ELMO1: variants seen among roughly 807,000 people sequenced by gnomAD.
ELMO1 encodes engulfment and cell motility 1, also known as engulfment and cell motility protein 1.
In ELMO1, 26 loss-of-function variants were observed where a neutral mutation model predicts 98.9. That is an observed-to-expected ratio of 0.26 (90% CI 0.19 to 0.36). The LOEUF (loss-of-function observed/expected upper bound fraction) is 0.36. Among genes scored for constraint, ELMO1 ranks in the 10% least tolerant of loss-of-function variants. The probability of loss-of-function intolerance (pLI) is 1.00; values close to 1 mark genes in which losing one functional copy is unlikely to be tolerated. For missense variants in ELMO1, 627 were observed against 935.2 expected (o/e 0.67, Z 4.30); for synonymous variants, 346 against 346.0 (o/e 1.00, Z 0.00).
chr7:37,387,530 A>G (rs577428264), intron 1 of ELMO1, among the ~76,000 whole-genome samples: 43 of 152,176 alleles, frequency 2.8e-4, no homozygotes, highest in Non-Finnish European at 5.0e-4. Flanking sequence ...AATTGCATCT[A>G]AAACCATCCT....
chr7:37,145,698 G>A (rs906561709), intron 13 of ELMO1, among the ~76,000 whole-genome samples: 4 of 152,210 alleles, frequency 2.6e-5, no homozygotes, highest in African/African-American at 9.7e-5. Context: ...CTTGCCAGAT[G>A]GCATAGCGTG....
At chr7:36,976,839 G>A (rs571123558) in intron 16 of ELMO1, among the ~76,000 whole-genome samples, 7 of 152,200 alleles carry the variant, frequency 4.6e-5, no homozygotes, top group Non-Finnish European at 8.8e-5. Context: ...CCTTTCCCTT[G>A]AAAAGTCTTC....
At chr7:37,144,327 TACA>T in intron 13 of ELMO1, among the ~76,000 whole-genome samples, 1 of 152,258 alleles carries the variant, frequency 6.6e-6, no homozygotes, top group Non-Finnish European at 1.5e-5. Flanking sequence ...GAAATAATTT[TACA>T]ACCACAAATT....
rs1471672653 is a variant in ELMO1, at chr7:36,853,202, G to A, written c.*2349C>T. 1.3e-5 allele frequency among the ~76,000 whole-genome samples: 2 copies of A among 152,212 alleles called. No homozygotes were observed. The highest frequency in any genetic ancestry group is 4.1e-4 in the South Asian group (2 of 4,836). On this transcript the variant is annotated 3_prime_UTR_variant, in exon 22 of 22. Transcript: ENST00000310758. Reference sequence around the variant, plus strand: ...ATGGCATACTCTTCAGATCTCACAGGTCCAAAGGAGGGTCTAGGGAGGAGC... The same window carrying A: ...ATGGCATACTCTTCAGATCTCACAGATCCAAAGGAGGGTCTAGGGAGGAGC...
intron 1 of ELMO1, among the ~76,000 whole-genome samples, chr7:37,445,825 A>C (rs1443768457): frequency 6.6e-6 from 1 of 152,162 alleles, no homozygotes. Context: ...GACACAGTAG[A>C]TGCCTCTGAC....
intron 16 of ELMO1, among the ~76,000 whole-genome samples, chr7:37,000,809 T>C (rs961309534): frequency 8.6e-5 from 13 of 151,928 alleles, no homozygotes; most frequent in Admixed American, 7.9e-4. Context: ...GAAACAAGGC[T>C]AGTGGGAAAA....
intron 1 of ELMO1, among the ~76,000 whole-genome samples, chr7:37,420,069 A>G (rs1382728421): frequency 6.6e-6 from 1 of 152,196 alleles, no homozygotes; most frequent in Non-Finnish European, 1.5e-5. Context: ...CATACCTAAT[A>G]CAAATCACTG....
chr7:37,009,335 A>C (rs1489257147), intron 16 of ELMO1, among the ~76,000 whole-genome samples: 1 of 152,216 alleles, frequency 6.6e-6, no homozygotes, highest in East Asian at 1.9e-4. Context: ...GCAGAGTGCT[A>C]TATTGAGAAA....
chr7:37,044,940 C>A (rs888477493), intron 15 of ELMO1, among the ~76,000 whole-genome samples: 9 of 152,290 alleles, frequency 5.9e-5, no homozygotes, highest in Admixed American at 5.2e-4. Context: ...TTAATTTCCA[C>A]GCTAGGTGTT....
chr7:37,168,644 G>C (rs560763189), intron 13 of ELMO1, among the ~76,000 whole-genome samples: 14 of 152,318 alleles, frequency 9.2e-5, no homozygotes, highest in Admixed American at 7.8e-4. Flanking sequence ...GGTGTTTGCA[G>C]AACAGCGGTT....
chr7:37,195,037 G>T (rs1416842915), intron 13 of ELMO1, among the ~76,000 whole-genome samples: 1 of 152,170 alleles, frequency 6.6e-6, no homozygotes, highest in Non-Finnish European at 1.5e-5. Flanking sequence ...CCCTCTGGTG[G>T]GACATCAGGC....
intron 1 of ELMO1, among the ~76,000 whole-genome samples, chr7:37,408,656 C>G (rs1224662489): frequency 6.6e-6 from 1 of 152,100 alleles, no homozygotes; most frequent in Non-Finnish European, 1.5e-5. Flanking sequence ...GGTAAGCCGG[C>G]CACAAAAAGA....
At chr7:36,861,190 G>T (rs1194975618) in intron 21 of ELMO1, among the ~76,000 whole-genome samples, 1 of 152,172 alleles carries the variant, frequency 6.6e-6, no homozygotes, top group Non-Finnish European at 1.5e-5. Flanking sequence ...CAAGATGTCA[G>T]AAAGGAATAA....
chr7:37,376,851 C>T (rs1385428795), intron 1 of ELMO1, among the ~76,000 whole-genome samples: 1 of 152,182 alleles, frequency 6.6e-6, no homozygotes, highest in Non-Finnish European at 1.5e-5. Flanking sequence ...CAAGAAGAAC[C>T]CACTGGAGTG....
chr7:37,027,323 T>G (rs1208872296), intron 15 of ELMO1, among the ~76,000 whole-genome samples: 1 of 152,182 alleles, frequency 6.6e-6, no homozygotes, highest in Non-Finnish European at 1.5e-5. Flanking sequence ...TGCCAACACC[T>G]AGTCCCCAGC....
At chr7:37,368,906 TA>T (rs1169443158) in intron 1 of ELMO1, among the ~76,000 whole-genome samples, 1 of 152,220 alleles carries the variant, frequency 6.6e-6, no homozygotes, top group Non-Finnish European at 1.5e-5. Flanking sequence ...TTGTGCACAT[TA>T]AATACATTGT....
chr7:37,053,309 C>CACAG (rs1236959720), intron 15 of ELMO1, among the ~76,000 whole-genome samples: 1 of 151,714 alleles, frequency 6.6e-6, no homozygotes, highest in African/African-American at 2.4e-5. Context: ...CACACACACA[C>CACAG]ACACACACAC....
intron 13 of ELMO1, among the ~76,000 whole-genome samples, chr7:37,145,509 C>T (rs1342305325): frequency 6.6e-6 from 1 of 152,226 alleles, no homozygotes; most frequent in Non-Finnish European, 1.5e-5. Flanking sequence ...TGTATTAGCA[C>T]CTCCGCAGGG....
chr7:37,040,445 T>C (rs1055566936), intron 15 of ELMO1, among the ~76,000 whole-genome samples: 6 of 152,298 alleles, frequency 3.9e-5, no homozygotes, highest in Admixed American at 3.9e-4. Flanking sequence ...AGCATCATTA[T>C]GACAAAAACA....
Sources: gnomAD v4.1 joint callset for allele counts (sites outside exome capture counted in the v4.1 genomes callset) on GRCh38, gnomAD v4.1.1 for gene constraint, MANE v1.5 for transcripts, NCBI Gene and HGNC (gene_info 2026-07-23, HGNC 2026-07-21) for gene names.